Variants in RAB3C observed in about 807,000 individuals in gnomAD.
RAB3C encodes the protein RAB3C, member RAS oncogene family.
Under a neutral mutation model 26.4 loss-of-function variants are expected in RAB3C, and 17 were observed. That is an observed-to-expected ratio of 0.64 (90% CI 0.44 to 0.97). RAB3C has a LOEUF of 0.97. RAB3C is among the 50% of genes least tolerant of loss of function. The pLI, the probability that RAB3C is intolerant of heterozygous loss-of-function variation, is 0.00. For missense variants in RAB3C, 242 were observed against 281.9 expected (o/e 0.86, Z 1.01); for synonymous variants, 91 against 95.9 (o/e 0.95, Z 0.30).
At chr5:58,711,936 C>T (rs780130815) in intron 2 of RAB3C, among the ~76,000 whole-genome samples, 1 of 152,102 alleles carries the variant, frequency 6.6e-6, no homozygotes, top group African/African-American at 2.4e-5. Flanking sequence ...AAACAGAAGC[C>T]TCTGCAATAC....
chr5:58,822,796 T>C (rs1743373004), intron 3 of RAB3C: 1 of 583,116 alleles, frequency 1.7e-6, no homozygotes, highest in Admixed American at 2.0e-5. Flanking sequence ...CAAATTATGC[T>C]GCAGCACATT....
intron 2 of RAB3C, among the ~76,000 whole-genome samples, chr5:58,656,453 A>G (rs1233621733): frequency 6.6e-6 from 1 of 152,234 alleles, no homozygotes; most frequent in Non-Finnish European, 1.5e-5. Flanking sequence ...ATGTATACAT[A>G]TATCAAAACA....
At chr5:58,829,272 C>A (rs1743559959) in intron 4 of RAB3C, among the ~76,000 whole-genome samples, 1 of 151,856 alleles carries the variant, frequency 6.6e-6, no homozygotes, top group Non-Finnish European at 1.5e-5. Context: ...TTTTTAAATT[C>A]TATATTAAAT....
intron 2 of RAB3C, among the ~76,000 whole-genome samples, chr5:58,625,805 C>G (rs534476105): frequency 6.7e-6 from 1 of 149,548 alleles, no homozygotes; most frequent in South Asian, 2.1e-4. Context: ...TGCAGTGAGC[C>G]GAGATCACGC....
chr5:58,803,848 C>T (rs1742871222), intron 3 of RAB3C, among the ~76,000 whole-genome samples: 2 of 152,128 alleles, frequency 1.3e-5, no homozygotes, highest in African/African-American at 4.8e-5. Flanking sequence ...ATCACAAGGT[C>T]AGGAGTTCGA....
chr5:58,772,802 A>T (rs1043521032), intron 3 of RAB3C, among the ~76,000 whole-genome samples: 1 of 152,188 alleles, frequency 6.6e-6, no homozygotes, highest in Admixed American at 6.5e-5. Flanking sequence ...CTTAAAGATT[A>T]TATATCAGGT....
At chr5:58,594,789 T>C (rs939144529) in intron 1 of RAB3C, among the ~76,000 whole-genome samples, 16 of 152,122 alleles carry the variant, frequency 1.1e-4, no homozygotes, top group Admixed American at 5.2e-4. Context: ...GTTTAGTGTT[T>C]TTAAAAATGT....
At position 58,687,158 on chromosome 5, in the gene RAB3C, G is replaced by A. The variant is rs138944552; in HGVS notation, c.253-38844G>A. 2.0e-3 allele frequency among the ~76,000 whole-genome samples: 304 copies of A among 152,160 alleles called. 2 individuals are homozygous for A. The highest frequency in any genetic ancestry group is 6.9e-3 in the African/African-American group (285 of 41,536). ...ATCATTTTATCCATCTTCGTGAGTT[G>A]AAGCCCTTCTAGAAATGATTGTGGT... On this transcript the variant is annotated intron_variant, in intron 2 of 4. Transcript: ENST00000282878.
chr5:58,754,756 CA>C (rs543386108), intron 3 of RAB3C, among the ~76,000 whole-genome samples: 2 of 152,042 alleles, frequency 1.3e-5, no homozygotes, highest in Non-Finnish European at 2.9e-5. Context: ...AACTGAGGCA[CA>C]AAAAAGAGTA....
intron 3 of RAB3C, among the ~76,000 whole-genome samples, chr5:58,732,686 C>T (rs1169516144): frequency 6.6e-6 from 1 of 152,066 alleles, no homozygotes; most frequent in Non-Finnish European, 1.5e-5. Context: ...CTCTAAATGT[C>T]GTTTTCTGCT....
intron 2 of RAB3C, among the ~76,000 whole-genome samples, chr5:58,686,298 A>G (rs1464205612): frequency 6.6e-6 from 1 of 152,144 alleles, no homozygotes; most frequent in African/African-American, 2.4e-5. Flanking sequence ...CAAACAACAC[A>G]TAGATTGGCT....
chr5:58,582,970 G>A (rs1579797428), upstream of RAB3C: 5 of 1,147,458 alleles, frequency 4.4e-6, no homozygotes, highest in Non-Finnish European at 5.9e-6. Flanking sequence ...GTAGTTCACC[G>A]CTCGCCCGTT....
intron 2 of RAB3C, among the ~76,000 whole-genome samples, chr5:58,704,656 T>C (rs1748909041): frequency 2.6e-5 from 4 of 152,180 alleles, no homozygotes; most frequent in Admixed American, 2.6e-4. Context: ...TAAAAGGTCA[T>C]AAAAAACATG....
intron 3 of RAB3C, among the ~76,000 whole-genome samples, chr5:58,763,006 T>C (rs1270706645): frequency 6.6e-6 from 1 of 152,012 alleles, no homozygotes. Flanking sequence ...TTACATGGAG[T>C]AGAGCAATGT....
chr5:58,840,178 T>A (rs1453163683), intron 4 of RAB3C, among the ~76,000 whole-genome samples: 1 of 151,954 alleles, frequency 6.6e-6, no homozygotes, highest in African/African-American at 2.4e-5. Context: ...TTTTTCTTTT[T>A]TTTTCTGCTT....
chr5:58,659,249 A>G (rs1014671511), intron 2 of RAB3C, among the ~76,000 whole-genome samples: 6 of 152,232 alleles, frequency 3.9e-5, no homozygotes, highest in Admixed American at 2.6e-4. Context: ...TATATAAATT[A>G]TATGTCCAAA....
At chr5:58,586,954 A>G (rs1746019764) in intron 1 of RAB3C, among the ~76,000 whole-genome samples, 1 of 152,296 alleles carries the variant, frequency 6.6e-6, no homozygotes, top group African/African-American at 2.4e-5. Flanking sequence ...TCCTAACCAT[A>G]TCCATCCTCA....
intron 1 of RAB3C, among the ~76,000 whole-genome samples, chr5:58,584,746 G>A (rs542936775): frequency 2.6e-5 from 4 of 152,144 alleles, no homozygotes; most frequent in South Asian, 2.1e-4. Flanking sequence ...AAATAAAGTA[G>A]ATTGTTAATA....
chr5:58,756,085 T>C (rs1159782853), intron 3 of RAB3C, among the ~76,000 whole-genome samples: 1 of 151,636 alleles, frequency 6.6e-6, no homozygotes, highest in Non-Finnish European at 1.5e-5. Context: ...ATACACCCTT[T>C]TCCCAGAAAG....
Sources: gnomAD v4.1 joint callset for allele counts (sites outside exome capture counted in the v4.1 genomes callset) on GRCh38, gnomAD v4.1.1 for gene constraint, MANE v1.5 for transcripts, NCBI Gene and HGNC (gene_info 2026-07-23, HGNC 2026-07-21) for gene names.